Variants in COX7B2 observed in about 807,000 individuals in gnomAD.
COX7B2 encodes the protein cytochrome c oxidase subunit 7B2, mitochondrial.
For synonymous variants in COX7B2, 37 were observed against 32.1 expected (o/e 1.15, Z -0.51); for missense variants, 109 against 95.9 (o/e 1.14, Z -0.57).
At chr4:46,873,844 C>A (rs1467296527) in intron 1 of COX7B2, among the ~76,000 whole-genome samples, 1 of 152,170 alleles carries the variant, frequency 6.6e-6, no homozygotes, top group Admixed American at 6.5e-5. Context: ...TGACAGGACC[C>A]GGTGTGTGAT....
intron 2 of COX7B2, among the ~76,000 whole-genome samples, chr4:46,829,397 G>GA (rs1255322124): frequency 1.3e-5 from 2 of 151,936 alleles, no homozygotes; most frequent in Non-Finnish European, 2.9e-5. Context: ...TTATCTTTTG[G>GA]AAAAATTGCT....
chr4:46,826,261 A>G (rs914571546), intron 2 of COX7B2, among the ~76,000 whole-genome samples: 161 of 152,318 alleles, frequency 1.1e-3, no homozygotes, highest in African/African-American at 3.7e-3. Context: ...CAAAAAACAT[A>G]TGAAAAAATC....
At chr4:46,876,441 T>C (rs1187849195) in intron 1 of COX7B2, among the ~76,000 whole-genome samples, 1 of 146,984 alleles carries the variant, frequency 6.8e-6, no homozygotes, top group Admixed American at 6.8e-5. Context: ...AGTCTCGCTA[T>C]GTCGCCCAGG....
At chr4:46,743,367 G>A (rs921902972) in intron 2 of COX7B2, among the ~76,000 whole-genome samples, 1 of 152,094 alleles carries the variant, frequency 6.6e-6, no homozygotes, top group African/African-American at 2.4e-5. Flanking sequence ...ACAAACCTCT[G>A]AGAATCTGTC....
intron 2 of COX7B2, among the ~76,000 whole-genome samples, chr4:46,783,979 G>A (rs1717616579): frequency 6.6e-6 from 1 of 152,296 alleles, no homozygotes; most frequent in South Asian, 2.1e-4. Flanking sequence ...GATTGGGACA[G>A]TATCATGAAC....
intron 1 of COX7B2, among the ~76,000 whole-genome samples, chr4:46,852,635 T>C (rs1431509923): frequency 3.9e-5 from 6 of 152,060 alleles, no homozygotes; most frequent in Non-Finnish European, 8.8e-5. Context: ...AATTGACCTA[T>C]TCATTAAAAT....
At chr4:46,805,187 G>A (rs539034622) in intron 2 of COX7B2, among the ~76,000 whole-genome samples, 58 of 152,276 alleles carry the variant, frequency 3.8e-4, no homozygotes, top group East Asian at 2.7e-3. Flanking sequence ...ACACCTCCTC[G>A]CAGGCTGAGG....
chr4:46,818,663 A>G (rs1191715803), intron 2 of COX7B2, among the ~76,000 whole-genome samples: 1 of 152,034 alleles, frequency 6.6e-6, no homozygotes, highest in Non-Finnish European at 1.5e-5. Flanking sequence ...AAGAAAGAAA[A>G]CAGACTACTA....
At chr4:46,900,913 GC>G (rs1217198609) in intron 1 of COX7B2, among the ~76,000 whole-genome samples, 1 of 152,112 alleles carries the variant, frequency 6.6e-6, no homozygotes, top group Non-Finnish European at 1.5e-5. Context: ...TGTTATAACA[GC>G]CCCAAAAAGA....
chr4:46,861,451 A>G (rs1444892952), intron 1 of COX7B2, among the ~76,000 whole-genome samples: 1 of 152,180 alleles, frequency 6.6e-6, no homozygotes, highest in African/African-American at 2.4e-5. Flanking sequence ...AGACATGTGG[A>G]CAATGGTAAG....
intron 2 of COX7B2, among the ~76,000 whole-genome samples, chr4:46,814,458 C>T (rs1440514655): frequency 1.3e-5 from 2 of 152,162 alleles, no homozygotes; most frequent in Non-Finnish European, 2.9e-5. Flanking sequence ...ACAAAAATTA[C>T]TAACTGTATA....
rs1420256779 is a variant in COX7B2, at chr4:46,826,935, A to G, written c.-50+18025T>C. Among the ~76,000 whole-genome samples the G allele has an allele frequency of 2.0e-5, 3 of 152,172 alleles. No individual in the cohort carries two copies. In the East Asian group the frequency reaches 5.8e-4, roughly 29 times the overall value. Reference sequence around the variant, plus strand: ...AAAAAGAATGAGATGGAAATTCTACAGCCAAAAAGTACAATAACTGAAATG... The same window carrying G: ...AAAAAGAATGAGATGGAAATTCTACGGCCAAAAAGTACAATAACTGAAATG... On this transcript the variant is annotated intron_variant, in intron 2 of 2. Transcript: ENST00000355591.
intron 1 of COX7B2, among the ~76,000 whole-genome samples, chr4:46,866,616 G>A (rs1262271050): frequency 6.6e-6 from 1 of 152,106 alleles, no homozygotes; most frequent in African/African-American, 2.4e-5. Context: ...GGGAAGCAGG[G>A]CAGCAATAGG....
At chr4:46,887,312 A>C (rs1419734129) in intron 1 of COX7B2, among the ~76,000 whole-genome samples, 1 of 152,220 alleles carries the variant, frequency 6.6e-6, no homozygotes, top group Non-Finnish European at 1.5e-5. Context: ...AACTGTGAGA[A>C]AACAGAAAAA....
At chr4:46,737,417 T>C (rs185864886) in intron 2 of COX7B2, among the ~76,000 whole-genome samples, 134 of 152,286 alleles carry the variant, frequency 8.8e-4, no homozygotes, top group Non-Finnish European at 1.5e-3. Flanking sequence ...TAAGGAATTA[T>C]CTTTTTATTC....
In COX7B2 at chr4:46,747,957, A is replaced by G. The variant is rs149836195; in HGVS notation, c.-49-12716T>C. 6.6e-4 allele frequency among the ~76,000 whole-genome samples: 100 copies of G among 151,614 alleles called. No individual in the cohort carries two copies. The East Asian group carries it at 7.2e-3, about 11-fold the overall frequency. On this transcript the variant is annotated intron_variant, in intron 2 of 2. Transcript: ENST00000355591. ...ATTTATAATACTGAATATATACAAAATAACCAGAACCAAGATAGTTAAAAT... is the reference window on the plus strand; with the variant it reads ...ATTTATAATACTGAATATATACAAAGTAACCAGAACCAAGATAGTTAAAAT...
intron 2 of COX7B2, among the ~76,000 whole-genome samples, chr4:46,823,792 G>C (rs114490529): frequency 8.8e-4 from 132 of 149,850 alleles, no homozygotes; most frequent in Admixed American, 2.1e-3. Flanking sequence ...GAAAACAACA[G>C]ACAAAAATCA....
intron 1 of COX7B2, among the ~76,000 whole-genome samples, chr4:46,896,106 C>A (rs1719740056): frequency 6.6e-6 from 1 of 152,172 alleles, no homozygotes. Context: ...AGACTTGTGT[C>A]ACTGGCCTCT....
intron 2 of COX7B2, among the ~76,000 whole-genome samples, chr4:46,778,424 T>G (rs1357397238): frequency 6.6e-6 from 1 of 152,158 alleles, no homozygotes; most frequent in Admixed American, 6.5e-5. Context: ...GGTATTTTCT[T>G]ATGGTAACAC....
Sources: allele counts gnomAD v4.1 joint callset (sites outside exome capture counted in the v4.1 genomes callset), GRCh38; gene constraint gnomAD v4.1.1; transcripts MANE v1.5; gene names NCBI Gene and HGNC (gene_info 2026-07-23, HGNC 2026-07-21).